Variants in GRIN2A observed in about 807,000 individuals in gnomAD.
GRIN2A encodes the protein glutamate receptor ionotropic, NMDA 2A.
A neutral mutation model predicts 113.4 loss-of-function variants in GRIN2A; 22 were observed. The observed-to-expected ratio is 0.19, with a 90% CI of 0.14 to 0.28. The LOEUF (loss-of-function observed/expected upper bound fraction) is 0.28, where lower values mean the gene tolerates loss of function less well. GRIN2A is among the 10% of genes least tolerant of loss of function. GRIN2A has a pLI of 1.00. For synonymous variants in GRIN2A, 827 were observed against 738.4 expected (o/e 1.12, Z -1.94); for missense variants, 1,502 against 1,887.0 (o/e 0.80, Z 3.78).
intron 2 of GRIN2A, among the ~76,000 whole-genome samples, chr16:10,103,981 T>C (rs2048447330): frequency 6.6e-6 from 1 of 152,226 alleles, no homozygotes; most frequent in African/African-American, 2.4e-5. Flanking sequence ...AGCCTGTACC[T>C]CCCTTAGTCA....
chr16:10,023,367 T>C (rs928214092), intron 2 of GRIN2A, among the ~76,000 whole-genome samples: 1 of 152,230 alleles, frequency 6.6e-6, no homozygotes, highest in South Asian at 2.1e-4. Context: ...TCTGTATATA[T>C]GTGGGTACAT....
At chr16:9,990,313 T>C (rs2046076551) in intron 2 of GRIN2A, among the ~76,000 whole-genome samples, 1 of 152,008 alleles carries the variant, frequency 6.6e-6, no homozygotes, top group African/African-American at 2.4e-5. Context: ...TTCTCACTAA[T>C]AAGTAGGAAC....
chr16:9,966,118 ACTTTT>A, intron 2 of GRIN2A, among the ~76,000 whole-genome samples: 1 of 152,300 alleles, frequency 6.6e-6, no homozygotes, highest in East Asian at 1.9e-4. Context: ...AGGGTTCTCA[ACTTTT>A]CTTTTACTTT....
At chr16:9,880,345 A>T (rs1196408832) in intron 4 of GRIN2A, among the ~76,000 whole-genome samples, 2 of 152,218 alleles carry the variant, frequency 1.3e-5, no homozygotes, top group Non-Finnish European at 2.9e-5. Context: ...TCTTTCTGCA[A>T]CTATTAGGCT....
At chr16:9,986,626 G>C (rs376876727) in intron 2 of GRIN2A, among the ~76,000 whole-genome samples, 1 of 151,854 alleles carries the variant, frequency 6.6e-6, no homozygotes, top group Non-Finnish European at 1.5e-5. Flanking sequence ...TTAGCCAGGC[G>C]TGCTGGCGGG....
chr16:10,073,906 T>C (rs774333650), intron 2 of GRIN2A, among the ~76,000 whole-genome samples: 2 of 124,470 alleles, frequency 1.6e-5, no homozygotes, highest in Non-Finnish European at 3.3e-5. Context: ...TGTGACAGAG[T>C]GAGACCCCCG....
At chr16:9,970,412 C>T (rs2045647754) in intron 2 of GRIN2A, among the ~76,000 whole-genome samples, 1 of 152,096 alleles carries the variant, frequency 6.6e-6, no homozygotes, top group South Asian at 2.1e-4. Flanking sequence ...GCAGGAAAAT[C>T]CTGAAACCTT....
intron 2 of GRIN2A, among the ~76,000 whole-genome samples, chr16:10,027,323 T>C (rs1254304822): frequency 2.0e-5 from 3 of 152,178 alleles, no homozygotes; most frequent in African/African-American, 7.2e-5. Context: ...GTTTAGCATC[T>C]CAGCTATCAA....
At chr16:9,980,268 A>G (rs571986301) in intron 2 of GRIN2A, among the ~76,000 whole-genome samples, 61 of 147,548 alleles carry the variant, frequency 4.1e-4, no homozygotes, top group African/African-American at 1.4e-3. Context: ...GACTGTCTCA[A>G]AAAAAAAAAA....
At chr16:10,169,578 G>A (rs2049997529) in intron 2 of GRIN2A, among the ~76,000 whole-genome samples, 1 of 152,136 alleles carries the variant, frequency 6.6e-6, no homozygotes, top group Non-Finnish European at 1.5e-5. Flanking sequence ...TGTGATGGCT[G>A]GAACAGAAGC....
chr16:10,105,628 A>C (rs1466258724), intron 2 of GRIN2A, among the ~76,000 whole-genome samples: 1 of 152,218 alleles, frequency 6.6e-6, no homozygotes, highest in East Asian at 1.9e-4. Context: ...AAGGCTGGGC[A>C]TGGTGGTTCA....
intron 1 of GRIN2A, among the ~76,000 whole-genome samples, chr16:10,181,199 G>A (rs2050264104): frequency 7.7e-5 from 1 of 12,944 alleles, no homozygotes; most frequent in South Asian, 2.3e-3. Flanking sequence ...ACACACACGT[G>A]CACACACACA....
At chr16:9,895,270 C>T (rs1320052728) in intron 3 of GRIN2A, among the ~76,000 whole-genome samples, 3 of 152,098 alleles carry the variant, frequency 2.0e-5, no homozygotes, top group Non-Finnish European at 4.4e-5. Flanking sequence ...TTGGGTTGTG[C>T]TGAGAAGGAA....
At chr16:10,051,346 C>CA (rs1289086198) in intron 2 of GRIN2A, among the ~76,000 whole-genome samples, 3 of 152,262 alleles carry the variant, frequency 2.0e-5, no homozygotes, top group Admixed American at 1.3e-4. Flanking sequence ...GCATGGGTCT[C>CA]AGAGTCTGAT....
intron 2 of GRIN2A, among the ~76,000 whole-genome samples, chr16:10,132,371 C>G (rs888776945): frequency 9.2e-6 from 1 of 108,792 alleles, no homozygotes; most frequent in Non-Finnish European, 2.0e-5. Flanking sequence ...TGTGAAATAA[C>G]TTGTCCAAAG....
At position 10,169,360 on chromosome 16, in the gene GRIN2A, A is replaced by G. The variant is rs112773348; in HGVS notation, c.414+10638T>C. Reference sequence around the variant, plus strand: ...GAAGCATCACCCCACACCCTTGCTAACAGAAGCAATTTTGCTCAGTGGCAA... The same window carrying G: ...GAAGCATCACCCCACACCCTTGCTAGCAGAAGCAATTTTGCTCAGTGGCAA... On this transcript the variant is annotated intron_variant, in intron 2 of 12. Coordinates refer to ENST00000330684, the MANE Select transcript of GRIN2A (RefSeq NM_001134407.3). 6.8e-3 allele frequency among the ~76,000 whole-genome samples: 1,033 copies of G among 152,258 alleles called. 14 individuals are homozygous for G. Among genetic ancestry groups the G allele is most frequent in the African/African-American group, 0.024 (980 of 41,536 alleles).
intron 8 of GRIN2A, among the ~76,000 whole-genome samples, chr16:9,831,525 T>TC (rs2042495796): frequency 6.7e-6 from 1 of 149,986 alleles, no homozygotes. Context: ...TTTTTCTTTT[T>TC]TTTTTTTTGA....
intron 2 of GRIN2A, among the ~76,000 whole-genome samples, chr16:10,085,606 G>A (rs139612711): frequency 6.6e-5 from 10 of 152,266 alleles, no homozygotes; most frequent in East Asian, 5.8e-4. Flanking sequence ...TTGGTTGGCC[G>A]TGTCAAACCT....
At chr16:10,168,930 A>G (rs2049980888) in intron 2 of GRIN2A, among the ~76,000 whole-genome samples, 1 of 151,004 alleles carries the variant, frequency 6.6e-6, no homozygotes, top group African/African-American at 2.4e-5. Context: ...GTGCCATTGA[A>G]CTCCAGCCTG....
Sources: allele counts gnomAD v4.1 joint callset (sites outside exome capture counted in the v4.1 genomes callset), GRCh38; gene constraint gnomAD v4.1.1; transcripts MANE v1.5; gene names NCBI Gene and HGNC (gene_info 2026-07-23, HGNC 2026-07-21).